The following PHLDB2 variants were observed in gnomAD, a reference collection of about 807,000 sequenced individuals.
PHLDB2 encodes pleckstrin homology-like domain family B member 2.
In PHLDB2, 71 loss-of-function variants were observed where a neutral mutation model predicts 123.6. The observed-to-expected ratio is 0.57, with a 90% confidence interval of 0.47 to 0.70. The LOEUF (loss-of-function observed/expected upper bound fraction) is 0.70. Among genes scored for constraint, PHLDB2 ranks in the 30% least tolerant of loss-of-function variants. The probability of loss-of-function intolerance (pLI) is 0.00; values close to 1 mark genes in which losing one functional copy is unlikely to be tolerated. For synonymous variants in PHLDB2, 547 were observed against 541.6 expected, an observed-to-expected ratio of 1.01 and a Z score of -0.14; for missense variants, 1,446 against 1,519.5, an observed-to-expected ratio of 0.95 and a Z score of 0.80.
chr3:111,816,584 T>A (rs2062087162), intron 1 of PHLDB2, among the ~76,000 whole-genome samples: 1 of 152,226 alleles, frequency 6.6e-6, no homozygotes, highest in Non-Finnish European at 1.5e-5. Flanking sequence ...ACCTGATGCC[T>A]GTACTCCCCA....
In PHLDB2 at chr3:111,742,250, C is replaced by T. The variant is rs147352857; in HGVS notation, c.-49+9547C>T. On this transcript the variant is annotated intron_variant, in intron 1 of 17. Transcript: ENST00000393923. ...TATCAAAAGCTATTTACTCCCACTT[C>T]CCCCAGGCCAAAGTCATAATAGCAT... 2.8e-4 allele frequency among the ~76,000 whole-genome samples: 42 copies of T among 152,246 alleles called. No individual in the cohort carries two copies. The East Asian group carries it at 7.1e-3, about 26-fold the overall frequency.
chr3:111,852,753 GACACAC>G (rs36217120), intron 2 of PHLDB2, among the ~76,000 whole-genome samples: 89,731 of 150,112 alleles, frequency 0.6, 27,375 homozygotes, highest in Middle Eastern at 0.77. Context: ...TAATCTAAAA[GACACAC>G]ACACACACAC....
chr3:111,958,048 T>C (rs1468661889), intron 12 of PHLDB2: 1 of 156,120 alleles, frequency 6.4e-6, no homozygotes, highest in Non-Finnish European at 1.4e-5. Flanking sequence ...TTTCTTGAGT[T>C]TTTCTCTGTA....
chr3:111,933,674 A>C (rs76045696), intron 6 of PHLDB2, among the ~76,000 whole-genome samples: 2,964 of 152,344 alleles, frequency 0.019, 119 homozygotes, highest in African/African-American at 0.068. Context: ...CAATTCTCTG[A>C]AAATTTTATG....
intron 1 of PHLDB2, among the ~76,000 whole-genome samples, chr3:111,881,543 G>A (rs1410940497): frequency 2.0e-5 from 3 of 152,054 alleles, no homozygotes; most frequent in Non-Finnish European, 4.4e-5. Flanking sequence ...GTAGCAACAG[G>A]GGGTGTCCAC....
rs78345112 is a variant in PHLDB2 at position 111,781,845 on chromosome 3, T to C, written c.-49+49142T>C. On this transcript the variant is annotated intron_variant, in intron 1 of 17. Coordinates refer to the PHLDB2 transcript ENST00000393923. ...ATCCGGAGAACTTTGCAAGATTTTC[T>C]CAAGTGGTTCCTATACTCCCTTTAG... Among the ~76,000 whole-genome samples the C allele has an allele frequency of 4.8e-3, 736 of 152,204 alleles. 6 individuals carry two copies. Among genetic ancestry groups the C allele is most frequent in the African/African-American group, 0.017 (700 of 41,548 alleles).
At chr3:111,766,064 T>A (rs956412460) in intron 1 of PHLDB2, among the ~76,000 whole-genome samples, 2 of 152,216 alleles carry the variant, frequency 1.3e-5, no homozygotes, top group African/African-American at 4.8e-5. Context: ...GTTGTATAGA[T>A]CAAATAAGAT....
chr3:111,885,370 G>T lies in PHLDB2; in HGVS notation c.1293G>T (p.Arg431=), dbSNP rs771385895. The T allele has an allele frequency of 6.2e-7, 1 of 1,614,148 alleles. No individual in the cohort carries two copies. Among genetic ancestry groups the T allele is most frequent in the African/African-American group, 1.3e-5 (1 of 75,044 alleles). The change falls in exon 2 of 18, where the codon CGG becomes CGT. Residue 431 remains arginine, a synonymous_variant. Coordinates refer to ENST00000431670, the MANE Select transcript of PHLDB2 (RefSeq NM_001134438.2). ...GRDDLMDYHR[R]QREERLREQE... ...ATGACCTGATGGATTATCACCGGCG[G>T]CAGAGGGAGGAAAGACTCAGGGAGC...
At chr3:111,777,063 C>T (rs533044762) in intron 1 of PHLDB2, among the ~76,000 whole-genome samples, 2 of 152,072 alleles carry the variant, frequency 1.3e-5, no homozygotes, top group South Asian at 4.2e-4. Flanking sequence ...ACACAGGAGG[C>T]CCAGACAGAA....
chr3:111,784,340 C>T lies in PHLDB2; in HGVS notation c.-49+51637C>T, dbSNP rs546679539. ...TCTGCAAAAATTGTTCTTCTGAGCT[C>T]ATTGGAAGCTTGCATTTCTTTGTTC... is the stretch of plus-strand genomic sequence containing the variant. On this transcript the variant is annotated intron_variant, in intron 1 of 17. Coordinates refer to the PHLDB2 transcript ENST00000393923. Among the ~76,000 whole-genome samples, 3 of 152,274 alleles carry T rather than the reference C, an allele frequency of 2.0e-5. No individual in the cohort carries two copies. In the South Asian group the frequency reaches 6.2e-4, roughly 32 times the overall value.
At chr3:111,948,207 A>G (rs1160524066) in intron 9 of PHLDB2, among the ~76,000 whole-genome samples, 2 of 152,070 alleles carry the variant, frequency 1.3e-5, no homozygotes, top group Non-Finnish European at 2.9e-5. Flanking sequence ...GCTGCCTTGA[A>G]TTGAAACATA....
At chr3:111,776,685 G>A (rs1477144356) in intron 1 of PHLDB2, among the ~76,000 whole-genome samples, 1 of 152,104 alleles carries the variant, frequency 6.6e-6, no homozygotes, top group Non-Finnish European at 1.5e-5. Context: ...AGAGTGCCAA[G>A]GAGTTACAGT....
rs75357207 is a variant in PHLDB2 at position 111,884,649 on chromosome 3, C to G, written c.572C>G (p.Pro191Arg). 2 of 1,614,170 alleles carry G rather than the reference C, an allele frequency of 1.2e-6. No homozygotes were observed. Among genetic ancestry groups the G allele is most frequent in the East Asian group, 4.5e-5 (2 of 44,854 alleles). The change falls in exon 2 of 18, where the codon CCT (proline) becomes CGT (arginine). Residue 191 changes from proline to arginine, a missense_variant. By Grantham distance (103) the Pro-to-Arg change is moderately radical. Coordinates refer to ENST00000431670, the MANE Select transcript of PHLDB2 (RefSeq NM_001134438.2). ...NGSSLSDAGP[P>R]PISRSGAASM... ...AGTTCCCTGAGTGATGCTGGCCCGC[C>G]TCCTATCAGCAGATCGGGAGCCGCA...
intron 1 of PHLDB2, among the ~76,000 whole-genome samples, chr3:111,869,075 G>A (rs1377653922): frequency 2.0e-5 from 3 of 152,156 alleles, no homozygotes. Context: ...CTGCTCACAG[G>A]AGATGAAGAT....
At chr3:111,871,092 A>T (rs2065316544) in intron 1 of PHLDB2, among the ~76,000 whole-genome samples, 1 of 152,218 alleles carries the variant, frequency 6.6e-6, no homozygotes, top group African/African-American at 2.4e-5. Flanking sequence ...GAAACGATTT[A>T]CAGTTTTCTA....
intron 2 of PHLDB2, among the ~76,000 whole-genome samples, chr3:111,890,411 T>C (rs1039229369): frequency 6.6e-6 from 1 of 152,240 alleles, no homozygotes; most frequent in African/African-American, 2.4e-5. Flanking sequence ...CCATGAGATA[T>C]ACTTCATGGG....
chr3:111,842,088 C>A (rs2063721075), intron 1 of PHLDB2, among the ~76,000 whole-genome samples: 1 of 152,092 alleles, frequency 6.6e-6, no homozygotes, highest in Non-Finnish European at 1.5e-5. Flanking sequence ...GGGAAAAGTA[C>A]CTTATAGGGT....
intron 13 of PHLDB2, among the ~76,000 whole-genome samples, 200 bp from the exon 14 acceptor site, chr3:111,966,413 T>C (rs573852133): frequency 6.6e-6 from 1 of 152,278 alleles, no homozygotes; most frequent in East Asian, 1.9e-4. Flanking sequence ...CAGAGTTGAA[T>C]TGATTTGCCT....
chr3:111,932,496 G>A (rs2107573733), intron 6 of PHLDB2, 99 bp downstream of exon 6: 1 of 1,249,990 alleles, frequency 8.0e-7, no homozygotes, highest in African/African-American at 1.5e-5. Context: ...TATAGCATAA[G>A]TTTGCATAAG....
Sources: allele counts gnomAD v4.1 joint callset (sites outside exome capture counted in the v4.1 genomes callset), GRCh38; gene constraint gnomAD v4.1.1; transcripts MANE v1.5; gene names NCBI Gene and HGNC (gene_info 2026-07-23, HGNC 2026-07-21).